ACOXL: variants seen among roughly 807,000 people sequenced by gnomAD.
The protein encoded by ACOXL is acyl-CoA oxidase like, also known as acyl-coenzyme A oxidase-like protein.
In ACOXL, 70 loss-of-function variants were observed where a neutral mutation model predicts 71.9. The observed-to-expected ratio is 0.97, with a 90% CI of 0.80 to 1.19. The LOEUF is 1.19. Among genes scored for constraint, ACOXL ranks in the 50% most tolerant of loss-of-function variants. The pLI is 0.00. For synonymous variants in ACOXL, 253 were observed against 281.6 expected (o/e 0.90, Z 1.02); for missense variants, 703 against 736.3 (o/e 0.95, Z 0.52).
At chr2:111,031,790 G>A in intron 15 of ACOXL, 76 bp downstream of exon 15, 1 of 1,437,730 alleles carries the variant, frequency 7.0e-7, no homozygotes, top group East Asian at 2.3e-5. Context: ...CAGCTCTGCA[G>A]GGAAAGGACA....
At chr2:110,849,387 C>T (rs1285743199) in intron 10 of ACOXL, among the ~76,000 whole-genome samples, 1 of 152,200 alleles carries the variant, frequency 6.6e-6, no homozygotes, top group Non-Finnish European at 1.5e-5. Flanking sequence ...TCAGGAGATT[C>T]AACACAGCTC....
chr2:110,935,955 C>T lies in ACOXL; in HGVS notation c.1059+2313C>T, dbSNP rs140171463. Among the ~76,000 whole-genome samples the T allele has an allele frequency of 6.9e-3, 1,054 of 152,106 alleles. 10 individuals are homozygous for T. Among genetic ancestry groups the T allele is most frequent in the African/African-American group, 0.024 (978 of 41,434 alleles). On this transcript the variant is annotated intron_variant, in intron 12 of 17. Transcript: ENST00000439055. ...TCATGAGGAGCGTGCAGATCTCTCA[C>T]ATGTGCAGTTCACAATAGAGTTCAC...
intron 15 of ACOXL, 79 bp from the exon 16 acceptor site, chr2:111,049,139 C>G (rs1170717909): frequency 8.9e-7 from 1 of 1,122,996 alleles, no homozygotes; most frequent in African/African-American, 1.5e-5. Flanking sequence ...TCTGTTATAA[C>G]CACAGTGTCC....
intron 10 of ACOXL, among the ~76,000 whole-genome samples, chr2:110,897,632 A>G (rs763535449): frequency 7.9e-5 from 12 of 152,232 alleles, no homozygotes; most frequent in Non-Finnish European, 1.6e-4. Context: ...TGCATTGGGG[A>G]TTACATTTCC....
At chr2:110,812,486 C>G (rs1313226805) in intron 9 of ACOXL, among the ~76,000 whole-genome samples, 2 of 152,154 alleles carry the variant, frequency 1.3e-5, no homozygotes, top group African/African-American at 2.4e-5. Context: ...TCAAGTAGAC[C>G]CCACTGTCTG....
At chr2:111,055,703 G>A (rs1450344987) in intron 16 of ACOXL, among the ~76,000 whole-genome samples, 1 of 152,250 alleles carries the variant, frequency 6.6e-6, no homozygotes, top group Non-Finnish European at 1.5e-5. Context: ...ATGGAAAAAA[G>A]GGGATTCTTT....
intron 12 of ACOXL, among the ~76,000 whole-genome samples, chr2:110,971,167 C>T (rs2062167868): frequency 6.6e-6 from 1 of 152,116 alleles, no homozygotes; most frequent in South Asian, 2.1e-4. Flanking sequence ...AAAACATCAA[C>T]AGACATTTCA....
rs569373149 is a variant in ACOXL at position 110,878,770 on chromosome 2, A to G, written c.789-30019A>G. Among the ~76,000 whole-genome samples, 15 of 151,786 alleles carry G rather than the reference A, an allele frequency of 9.9e-5. No homozygotes were observed. In the South Asian group the frequency reaches 2.9e-3, roughly 29 times the overall value. On this transcript the variant is annotated intron_variant, in intron 10 of 17. Coordinates refer to ENST00000439055, the MANE Select transcript of ACOXL (RefSeq NM_001142807.4). ...ACAGAGCGAGACTCCATCTCAAAAA[A>G]TCAAAACAGGCTGGCACGGTGGCTC...
intron 3 of ACOXL, among the ~76,000 whole-genome samples, chr2:110,793,253 C>T (rs143922676): frequency 1.8e-3 from 267 of 152,056 alleles, no homozygotes; most frequent in Admixed American, 6.3e-3. Context: ...AACACTTTCT[C>T]ATGGCAGGAC....
intron 1 of ACOXL, among the ~76,000 whole-genome samples, chr2:110,766,164 A>G (rs1681035455): frequency 6.6e-6 from 1 of 152,114 alleles, no homozygotes; most frequent in Non-Finnish European, 1.5e-5. Context: ...TGATTTCTTT[A>G]TCATTCATGT....
chr2:110,923,653 G>A (rs567760774), intron 11 of ACOXL, among the ~76,000 whole-genome samples: 70 of 152,118 alleles, frequency 4.6e-4, no homozygotes, highest in African/African-American at 1.7e-3. Flanking sequence ...AGAGCATGAG[G>A]CCTGGTGTGG....
chr2:110,929,504 G>T (rs1271555401), intron 11 of ACOXL, among the ~76,000 whole-genome samples: 3 of 152,228 alleles, frequency 2.0e-5, no homozygotes, highest in Non-Finnish European at 2.9e-5. Flanking sequence ...GCCTGAAGAT[G>T]TGATAGAAAA....
At chr2:110,878,324 G>A (rs770844227) in intron 10 of ACOXL, among the ~76,000 whole-genome samples, 32 of 152,214 alleles carry the variant, frequency 2.1e-4, no homozygotes, top group African/African-American at 7.5e-4. Context: ...CACAACTGAA[G>A]AGAAACTTAG....
At chr2:110,968,977 CTCA>C (rs2062058533) in intron 12 of ACOXL, among the ~76,000 whole-genome samples, 1 of 152,098 alleles carries the variant, frequency 6.6e-6, no homozygotes, top group African/African-American at 2.4e-5. Flanking sequence ...AATATGTTTT[CTCA>C]TCATAATAGA....
At chr2:111,034,500 A>C (rs1187043718) in intron 15 of ACOXL, among the ~76,000 whole-genome samples, 1 of 152,250 alleles carries the variant, frequency 6.6e-6, no homozygotes, top group Non-Finnish European at 1.5e-5. Flanking sequence ...ATTGGTTCAT[A>C]ACCACAGTAG....
At chr2:110,737,643 A>G (rs1559200143) in intron 1 of ACOXL, among the ~76,000 whole-genome samples, 1 of 152,238 alleles carries the variant, frequency 6.6e-6, no homozygotes, top group Non-Finnish European at 1.5e-5. Context: ...CAGATACAAC[A>G]GATTTATCAC....
intron 10 of ACOXL, among the ~76,000 whole-genome samples, chr2:110,852,233 A>G (rs1166402396): frequency 6.6e-6 from 1 of 152,182 alleles, no homozygotes; most frequent in Non-Finnish European, 1.5e-5. Context: ...ATCGCTTGAC[A>G]GTAAGCCTGA....
At chr2:110,946,801 C>CACCAGG (rs1359007701) in intron 12 of ACOXL, among the ~76,000 whole-genome samples, 3 of 152,132 alleles carry the variant, frequency 2.0e-5, no homozygotes, top group Non-Finnish European at 1.5e-5. Context: ...GGAAGTCAGC[C>CACCAGG]ACCAGGACCA....
intron 16 of ACOXL, among the ~76,000 whole-genome samples, chr2:111,079,087 A>C (rs7575878): frequency 1.4e-4 from 21 of 151,982 alleles, no homozygotes; most frequent in African/African-American, 4.8e-4. Flanking sequence ...TACTTATTTT[A>C]AAAGTTTTTA....
Sources: allele counts gnomAD v4.1 joint callset (sites outside exome capture counted in the v4.1 genomes callset), GRCh38; gene constraint gnomAD v4.1.1; transcripts MANE v1.5; gene names NCBI Gene and HGNC (gene_info 2026-07-23, HGNC 2026-07-21).